KCTD14: variants seen among roughly 807,000 people sequenced by gnomAD.
The protein encoded by KCTD14 is BTB/POZ domain-containing protein KCTD14.
A neutral mutation model predicts 5.9 loss-of-function variants in KCTD14; 7 were observed. The ratio of observed to expected loss-of-function variants is 1.19; its 90% CI spans 0.68 to 2.23. KCTD14 has a LOEUF of 2.23. Among genes scored for constraint, KCTD14 ranks in the 30% most tolerant of loss-of-function variants. The pLI is 0.00. For missense variants in KCTD14, 342 were observed against 332.2 expected (o/e 1.03, Z -0.23); for synonymous variants, 140 against 133.1 (o/e 1.05, Z -0.36).
chr11:78,030,243 T>TA (rs1476584555), intron 2 of KCTD14, among the ~76,000 whole-genome samples: 4 of 152,154 alleles, frequency 2.6e-5, no homozygotes, highest in African/African-American at 9.7e-5. Flanking sequence ...CCAGTGACAT[T>TA]AGCACATTTG....
intron 2 of KCTD14, among the ~76,000 whole-genome samples, chr11:78,034,923 C>CAAGA (rs1416060192): frequency 8.0e-4 from 122 of 152,268 alleles, no homozygotes; most frequent in African/African-American, 2.8e-3. Flanking sequence ...TCTTTACTCT[C>CAAGA]TACCGCCACC....
At chr11:78,017,446 G>A (rs1032946323) in intron 1 of KCTD14, among the ~76,000 whole-genome samples, 176 bp from the exon 2 acceptor site, 3 of 149,702 alleles carry the variant, frequency 2.0e-5, no homozygotes, top group Admixed American at 1.3e-4. Context: ...GCTCCAGGGG[G>A]TGGGCTTTTT....
chr11:78,033,899 G>A (rs1048708956), intron 2 of KCTD14, among the ~76,000 whole-genome samples: 3 of 46,466 alleles, frequency 6.5e-5, no homozygotes, highest in African/African-American at 1.7e-4. Flanking sequence ...ATGTGTGTGT[G>A]TGTATATATA....
At chr11:78,024,380 C>CAA (rs56296835), upstream of KCTD14, among the ~76,000 whole-genome samples, 71 of 123,194 alleles carry the variant, frequency 5.8e-4, 1 homozygote, top group African/African-American at 1.6e-3. Flanking sequence ...GATTCCCTCT[C>CAA]AAAAAAAAAA....
At chr11:78,024,422 AC>A (rs1857394422), upstream of KCTD14, among the ~76,000 whole-genome samples, 1 of 62,762 alleles carries the variant, frequency 1.6e-5, no homozygotes, top group African/African-American at 4.2e-5. Context: ...ACACACACAC[AC>A]ACACACACAC....
chr11:78,024,899 C>G (rs1047194819), upstream of KCTD14, among the ~76,000 whole-genome samples: 1 of 150,748 alleles, frequency 6.6e-6, no homozygotes, highest in African/African-American at 2.4e-5. Context: ...GAGCTGAGAT[C>G]AAGCCATTGC....
At chr11:78,019,338 G>A (rs1486191589) in intron 1 of KCTD14, among the ~76,000 whole-genome samples, 1 of 151,838 alleles carries the variant, frequency 6.6e-6, no homozygotes, top group Non-Finnish European at 1.5e-5. Context: ...TTTAAGAGAT[G>A]CGGTCTTGCT....
chr11:78,037,643 AC>A (rs1857849337), intron 2 of KCTD14, among the ~76,000 whole-genome samples: 1 of 152,098 alleles, frequency 6.6e-6, no homozygotes, highest in Non-Finnish European at 1.5e-5. Context: ...AAATGGTGAA[AC>A]CCCGTCTCTA....
chr11:78,018,208 C>A lies in KCTD14; in HGVS notation c.91-938G>T, dbSNP rs1857221936. Among the ~76,000 whole-genome samples the A allele has an allele frequency of 2.0e-5, 3 of 152,086 alleles. No homozygotes were observed. The South Asian group carries it at 6.2e-4, about 31-fold the overall frequency. On this transcript the variant is annotated intron_variant, in intron 1 of 1. Coordinates refer to ENST00000353172, the MANE Select transcript of KCTD14 (RefSeq NM_023930.4). ...TCCAAAGTCTGTGGCCTTTGGCAAGCCTTTTTCCCTCTTACAGCCTCAGTT... is the reference window on the plus strand; with the variant it reads ...TCCAAAGTCTGTGGCCTTTGGCAAGACTTTTTCCCTCTTACAGCCTCAGTT...
chr11:78,017,252 G>C lies in KCTD14; in HGVS notation c.109C>G (p.Leu37Val), dbSNP rs368189196. The change falls in exon 2 of 2, where the codon CTG becomes GTG. Residue 37 changes from leucine (L) to valine (V), a missense_variant. Physicochemically the swap from Leu to Val is conservative, Grantham distance 32 (BLOSUM62 1). Coordinates refer to ENST00000353172, the MANE Select transcript of KCTD14 (RefSeq NM_023930.4). The stretch of plus-strand genomic sequence containing the variant: ...GTGTGGAACTCACCCCCGACGTTCA[G>C]CTCCACAACAGTAGACATCTGGGGG... ...RRPTMSTVVE[L>V]NVGGEFHTTT... The C allele has an allele frequency of 1.9e-5, 30 of 1,600,240 alleles. No individual in the cohort carries two copies. The highest frequency in any genetic ancestry group is 2.5e-5 in the Non-Finnish European group (29 of 1,169,756).
chr11:78,023,196 G>T lies in KCTD14; in HGVS notation c.54C>A (p.Thr18=). 6.2e-7 allele frequency: 1 copy of T among 1,606,404 alleles called. No homozygotes were observed. Residue 18 remains threonine (T), a synonymous_variant, in exon 1 of 2, where the codon ACC becomes ACA. Transcript: ENST00000353172. ...TGGGCCGGGGGGACTGGGGCAGAGG[G>T]GTCTGGCTCGTCATCCTGCCCACTG... ...ERPVGRMTSQ[T]PLPQSPRPRR...
At chr11:78,027,098 C>A (rs1277002588), upstream of KCTD14, among the ~76,000 whole-genome samples, 2 of 150,614 alleles carry the variant, frequency 1.3e-5, no homozygotes, top group Admixed American at 1.3e-4. Context: ...GAATCCGTCT[C>A]AAAAAAAATT....
chr11:78,041,966 C>T (rs766626217), intron 1 of KCTD14, among the ~76,000 whole-genome samples: 3 of 152,152 alleles, frequency 2.0e-5, no homozygotes, highest in Non-Finnish European at 2.9e-5. Context: ...CCTTGGAATC[C>T]GTGAGGCCAA....
intron 2 of KCTD14, among the ~76,000 whole-genome samples, chr11:78,029,064 A>T (rs920391954): frequency 6.6e-6 from 1 of 151,850 alleles, no homozygotes; most frequent in Non-Finnish European, 1.5e-5. Flanking sequence ...GCATGCCTGT[A>T]ATCCTAGCTA....
At chr11:78,040,292 G>T (rs1857952480) in intron 1 of KCTD14, among the ~76,000 whole-genome samples, 1 of 152,186 alleles carries the variant, frequency 6.6e-6, no homozygotes, top group South Asian at 2.1e-4. Flanking sequence ...CCTGCTCCAT[G>T]TTCTTTTTCC....
At chr11:78,037,785 C>G (rs1857856090) in intron 2 of KCTD14, among the ~76,000 whole-genome samples, 1 of 152,042 alleles carries the variant, frequency 6.6e-6, no homozygotes, top group Non-Finnish European at 1.5e-5. Context: ...CGCCACTGCA[C>G]TCCAGCCTAG....
At chr11:78,037,242 C>T (rs1358207910) in intron 2 of KCTD14, among the ~76,000 whole-genome samples, 2 of 152,230 alleles carry the variant, frequency 1.3e-5, no homozygotes, top group African/African-American at 4.8e-5. Context: ...ACTCTCAGAC[C>T]TCGTGGGCAC....
intron 1 of KCTD14, 141 bp downstream of exon 1, chr11:78,023,019 G>A (rs976760323): frequency 6.5e-6 from 4 of 619,484 alleles, no homozygotes; most frequent in Non-Finnish European, 1.1e-5. Context: ...CGACCAGCCC[G>A]AGGTGAAGGG....
intron 1 of KCTD14, among the ~76,000 whole-genome samples, chr11:78,021,290 C>T (rs1420110982): frequency 1.0e-5 from 1 of 96,402 alleles, no homozygotes; most frequent in African/African-American, 4.0e-5. Context: ...AGAGGGAGAC[C>T]CTGTCTCAAA....
Sources: gnomAD v4.1 joint callset for allele counts (sites outside exome capture counted in the v4.1 genomes callset) on GRCh38, gnomAD v4.1.1 for gene constraint, MANE v1.5 for transcripts, NCBI Gene and HGNC (gene_info 2026-07-23, HGNC 2026-07-21) for gene names.